Variants in WDR70 observed in about 807,000 individuals in gnomAD.
WDR70 encodes the protein WD repeat domain 70, also known as WD repeat-containing protein 70.
WDR70 carries 53 observed loss-of-function variants against 88.6 expected under a neutral mutation model. The observed-to-expected ratio is 0.60, with a 90% CI of 0.48 to 0.75. The LOEUF (loss-of-function observed/expected upper bound fraction) is 0.75. WDR70 is among the 30% of genes least tolerant of loss of function. The pLI is 0.00. For missense variants in WDR70, 610 were observed against 823.2 expected (o/e 0.74, Z 3.17); for synonymous variants, 280 against 270.0 (o/e 1.04, Z -0.36).
intron 9 of WDR70, among the ~76,000 whole-genome samples, chr5:37,573,252 C>A (rs1019384493): frequency 6.6e-6 from 1 of 152,160 alleles, no homozygotes; most frequent in Admixed American, 6.5e-5. Context: ...TCTCCCTGTT[C>A]CCCAAATCAT....
At chr5:37,502,178 C>CT (rs919302119) in intron 8 of WDR70, among the ~76,000 whole-genome samples, 44 of 151,156 alleles carry the variant, frequency 2.9e-4, no homozygotes, top group East Asian at 1.7e-3. Context: ...GCTAGGTTTC[C>CT]TTTTTTTTTA....
At chr5:37,593,265 G>A (rs921726982) in intron 9 of WDR70, among the ~76,000 whole-genome samples, 2 of 152,080 alleles carry the variant, frequency 1.3e-5, no homozygotes, top group African/African-American at 2.4e-5. Context: ...CCATGAACAC[G>A]TCATTTACAT....
chr5:37,569,361 G>A (rs537759165), intron 9 of WDR70, among the ~76,000 whole-genome samples: 14 of 152,200 alleles, frequency 9.2e-5, no homozygotes, highest in Non-Finnish European at 1.5e-5. Context: ...TGATATTTTT[G>A]CAAAATTAGT....
chr5:37,477,531 A>C (rs1739525142), intron 7 of WDR70, among the ~76,000 whole-genome samples: 1 of 152,182 alleles, frequency 6.6e-6, no homozygotes, highest in Non-Finnish European at 1.5e-5. Context: ...AGGTCAAGTT[A>C]AGAGTTGCTG....
chr5:37,699,953 AAAC>A (rs1747102818), intron 11 of WDR70, among the ~76,000 whole-genome samples: 1 of 144,038 alleles, frequency 6.9e-6, no homozygotes, highest in Non-Finnish European at 1.5e-5. Flanking sequence ...TCTCAAAAAA[AAAC>A]AAAAAACAAA....
At chr5:37,704,641 C>T (rs964518218) in intron 13 of WDR70, among the ~76,000 whole-genome samples, 3 of 152,156 alleles carry the variant, frequency 2.0e-5, no homozygotes, top group African/African-American at 7.2e-5. Context: ...TCACACAGGG[C>T]GGAAACTTTT....
intron 3 of WDR70, among the ~76,000 whole-genome samples, chr5:37,384,173 CTTTT>C (rs57075180): frequency 2.0e-4 from 22 of 107,844 alleles, no homozygotes; most frequent in Admixed American, 3.3e-4. Context: ...ACTTTCCCCC[CTTTT>C]TTTTTTTTTT....
intron 10 of WDR70, among the ~76,000 whole-genome samples, chr5:37,681,769 G>C (rs1008943729): frequency 6.6e-6 from 1 of 152,106 alleles, no homozygotes; most frequent in Non-Finnish European, 1.5e-5. Context: ...GGCATCTAGG[G>C]GATGAGGCCT....
intron 10 of WDR70, among the ~76,000 whole-genome samples, chr5:37,667,611 A>C (rs904527325): frequency 3.9e-5 from 6 of 152,174 alleles, no homozygotes; most frequent in African/African-American, 1.4e-4. Context: ...TTATAAATAA[A>C]GTTTTGCTGG....
chr5:37,694,477 A>G (rs1159751135), intron 10 of WDR70, among the ~76,000 whole-genome samples: 1 of 152,218 alleles, frequency 6.6e-6, no homozygotes, highest in Non-Finnish European at 1.5e-5. Context: ...GACTGGATTA[A>G]GAAAATGTGG....
At chr5:37,656,745 G>C (rs550543306) in intron 10 of WDR70, among the ~76,000 whole-genome samples, 1 of 152,196 alleles carries the variant, frequency 6.6e-6, no homozygotes, top group Admixed American at 6.5e-5. Context: ...TGTTAAAACT[G>C]TGAGGGGAAA....
At chr5:37,437,049 AGTT>A (rs1218949940) in intron 5 of WDR70, among the ~76,000 whole-genome samples, 1 of 152,132 alleles carries the variant, frequency 6.6e-6, no homozygotes, top group Non-Finnish European at 1.5e-5. Context: ...ACTGTCCCTC[AGTT>A]GTTCTGCCCA....
At chr5:37,392,414 C>T (rs6860757) in intron 4 of WDR70, among the ~76,000 whole-genome samples, 15,548 of 151,906 alleles carry the variant, frequency 0.1, 2,600 homozygotes, top group African/African-American at 0.35. Flanking sequence ...GAACTCCTGA[C>T]CTCAGTTGAT....
At chr5:37,671,443 A>G (rs1459720338) in intron 10 of WDR70, among the ~76,000 whole-genome samples, 1 of 152,180 alleles carries the variant, frequency 6.6e-6, no homozygotes, top group Non-Finnish European at 1.5e-5. Context: ...TGCAAGGCAT[A>G]TTATTTTAAA....
intron 10 of WDR70, among the ~76,000 whole-genome samples, chr5:37,610,463 T>TCC (rs1561922101): frequency 1.3e-5 from 2 of 152,086 alleles, no homozygotes; most frequent in Non-Finnish European, 2.9e-5. Context: ...TTTGGTTTAT[T>TCC]ATTATTTTAT....
In WDR70 at chr5:37,381,108, T is replaced by C. The variant is rs1748411173; in HGVS notation, c.92-494T>C. ...CCTTGTTAGAGGGCTGAGATTTCTGTTTCCCTCTTAGCTCCTTAAAGTACC... is the reference window on the plus strand; with the variant it reads ...CCTTGTTAGAGGGCTGAGATTTCTGCTTCCCTCTTAGCTCCTTAAAGTACC... On this transcript the variant is annotated intron_variant, in intron 2 of 17. Coordinates refer to ENST00000265107, the MANE Select transcript of WDR70 (RefSeq NM_018034.4). Among the ~76,000 whole-genome samples the C allele has an allele frequency of 3.3e-5, 5 of 152,190 alleles. No individual in the cohort carries two copies. The South Asian group carries it at 1.0e-3, about 32-fold the overall frequency.
At chr5:37,389,588 A>G (rs1001623957) in intron 3 of WDR70, among the ~76,000 whole-genome samples, 7 of 151,714 alleles carry the variant, frequency 4.6e-5, no homozygotes, top group East Asian at 3.9e-4. Context: ...ATTTTTTTGT[A>G]TTTTTAGTAG....
intron 13 of WDR70, among the ~76,000 whole-genome samples, chr5:37,716,703 A>G (rs1379962520): frequency 2.6e-5 from 4 of 152,190 alleles, no homozygotes; most frequent in African/African-American, 9.7e-5. Flanking sequence ...ATAAAGTTCC[A>G]GTACCTAATA....
chr5:37,443,131 T>C (rs780861164), intron 6 of WDR70, 108 bp from the exon 7 acceptor site: 1 of 1,261,840 alleles, frequency 7.9e-7, no homozygotes, highest in Non-Finnish European at 1.1e-6. Flanking sequence ...GGTTTGTACT[T>C]CCAAGTCCTA....
Sources: allele counts gnomAD v4.1 joint callset (sites outside exome capture counted in the v4.1 genomes callset), GRCh38; gene constraint gnomAD v4.1.1; transcripts MANE v1.5; gene names NCBI Gene and HGNC (gene_info 2026-07-23, HGNC 2026-07-21).